Variants in SCMH1 observed in about 807,000 individuals in gnomAD.
SCMH1 encodes Scm polycomb group protein homolog 1, also known as polycomb protein SCMH1.
In SCMH1, 37 loss-of-function variants were observed where a neutral mutation model predicts 70.8. The ratio of observed to expected loss-of-function variants is 0.52; its 90% confidence interval spans 0.40 to 0.69. The LOEUF (loss-of-function observed/expected upper bound fraction) is 0.69, where lower values mean the gene tolerates loss of function less well. Among genes scored for constraint, SCMH1 ranks in the 30% least tolerant of loss-of-function variants. The probability of loss-of-function intolerance (pLI) is 0.00; values close to 1 mark genes in which losing one functional copy is unlikely to be tolerated. For synonymous variants in SCMH1, 292 were observed against 307.4 expected (o/e 0.95, Z 0.52); for missense variants, 607 against 827.3 (o/e 0.73, Z 3.27).
chr1:41,036,563 TTCTCTAGTTTTGTCCCTCC>T (rs373213854), intron 13 of SCMH1, among the ~76,000 whole-genome samples: 17 of 152,328 alleles, frequency 1.1e-4, no homozygotes, highest in African/African-American at 4.1e-4. Flanking sequence ...TTGTTTAGGT[TTCTCTAGTTTTGTCCCTCC>T]TCAAATCCAT....
chr1:41,184,673 C>T lies in SCMH1; in HGVS notation c.13+1448G>A, dbSNP rs1649702721. On this transcript the variant is annotated intron_variant, in intron 2 of 14. Coordinates refer to ENST00000337495, the Ensembl canonical transcript of SCMH1. ...CAGATGTCAGAGAGAGACTTTCTGG[C>T]AATGAGAATTGTCCTGTGGAGGATT... is the stretch of plus-strand genomic sequence containing the variant. Among the ~76,000 whole-genome samples, 4 of 152,022 alleles carry T rather than the reference C, an allele frequency of 2.6e-5. No homozygotes were observed. In the South Asian group the frequency reaches 6.2e-4, roughly 24 times the overall value.
chr1:41,198,416 T>C (rs1653540038), intron 1 of SCMH1, among the ~76,000 whole-genome samples: 1 of 152,214 alleles, frequency 6.6e-6, no homozygotes, highest in Non-Finnish European at 1.5e-5. Context: ...CCACCCTCTG[T>C]GAGGGCAGAG....
chr1:41,233,623 C>A (rs902783364), intron 1 of SCMH1, among the ~76,000 whole-genome samples: 1 of 152,088 alleles, frequency 6.6e-6, no homozygotes, highest in Non-Finnish European at 1.5e-5. Context: ...CTGAGATATC[C>A]ATATCTCTAT....
chr1:41,102,177 G>A (rs1334496714), intron 8 of SCMH1, among the ~76,000 whole-genome samples: 2 of 152,112 alleles, frequency 1.3e-5, no homozygotes, highest in Middle Eastern at 3.2e-3. Context: ...ACACGCATGT[G>A]TGTGTGTGTG....
intron 6 of SCMH1, among the ~76,000 whole-genome samples, chr1:41,138,736 A>C (rs1306881681): frequency 6.6e-6 from 1 of 152,062 alleles, no homozygotes; most frequent in Non-Finnish European, 1.5e-5. Context: ...ATCTGCCAAG[A>C]CTTGTTTAAC....
intron 1 of SCMH1, among the ~76,000 whole-genome samples, chr1:41,220,714 C>G (rs1261499695): frequency 1.3e-5 from 2 of 152,178 alleles, no homozygotes; most frequent in African/African-American, 4.8e-5. Flanking sequence ...AGCGCATAAT[C>G]TAAAGGAGTC....
At chr1:41,061,290 A>C (rs1300440073) in intron 10 of SCMH1, among the ~76,000 whole-genome samples, 1 of 152,210 alleles carries the variant, frequency 6.6e-6, no homozygotes, top group Non-Finnish European at 1.5e-5. Flanking sequence ...ATTATTTTTA[A>C]AAATTTTTAA....
chr1:41,167,498 T>C (rs1646485779), intron 2 of SCMH1, among the ~76,000 whole-genome samples: 1 of 152,208 alleles, frequency 6.6e-6, no homozygotes, highest in South Asian at 2.1e-4. Flanking sequence ...CATTAGGTCC[T>C]AGGCTTTATT....
At chr1:41,143,947 T>C (rs1220609693) in intron 5 of SCMH1, among the ~76,000 whole-genome samples, 2 of 152,228 alleles carry the variant, frequency 1.3e-5, no homozygotes, top group Admixed American at 6.5e-5. Context: ...GGTATAACCA[T>C]GCTGACGGAG....
At chr1:41,176,286 G>A (rs1647128836) in intron 2 of SCMH1, among the ~76,000 whole-genome samples, 4 of 151,732 alleles carry the variant, frequency 2.6e-5, no homozygotes, top group South Asian at 4.2e-4. Flanking sequence ...CAAGATGGCC[G>A]AATAGGAACA....
intron 8 of SCMH1, among the ~76,000 whole-genome samples, chr1:41,092,975 A>G (rs1664072754): frequency 6.6e-6 from 1 of 152,208 alleles, no homozygotes; most frequent in Admixed American, 6.5e-5. Context: ...CGATTCCTCA[A>G]GGATCTAGAA....
chr1:41,030,572 A>G (rs1486418469), intron 13 of SCMH1, among the ~76,000 whole-genome samples: 1 of 152,156 alleles, frequency 6.6e-6, no homozygotes, highest in Non-Finnish European at 1.5e-5. Flanking sequence ...CTTACCTCAA[A>G]TATTGATTCC....
At chr1:41,083,464 T>C (rs919798804) in intron 8 of SCMH1, among the ~76,000 whole-genome samples, 1 of 151,944 alleles carries the variant, frequency 6.6e-6, no homozygotes, top group Non-Finnish European at 1.5e-5. Context: ...CACTGCTCAA[T>C]GAAATAAAAG....
In SCMH1 at chr1:41,186,273, GGAAGGA is replaced by G. The variant is rs1392277930; in HGVS notation, c.-117-29_-117-24del. On this transcript the variant is annotated intron_variant, in intron 1 of 14. Transcript: ENST00000337495. ...CATCTGTAAAAAAGGTAGGTGGGGA[GGAAGGA>G]GAAGAACATTTATTACCTGTAAAGT... The G allele has an allele frequency of 6.6e-6, 4 of 608,730 alleles. No homozygotes were observed. The East Asian group carries it at 1.2e-4, about 18-fold the overall frequency. The allele number at this position is 608,730 out of a possible 1,614,324, so 37.7% of individuals were successfully genotyped here.
chr1:41,112,839 C>T (rs1335192177), intron 8 of SCMH1, among the ~76,000 whole-genome samples: 1 of 152,180 alleles, frequency 6.6e-6, no homozygotes, highest in African/African-American at 2.4e-5. Context: ...CCATGTCTAT[C>T]TTACTTCAAA....
intron 2 of SCMH1, among the ~76,000 whole-genome samples, chr1:41,162,300 G>A (rs1646100479): frequency 6.6e-6 from 1 of 152,126 alleles, no homozygotes; most frequent in Non-Finnish European, 1.5e-5. Flanking sequence ...GTGGAGTCTG[G>A]ATGCTATGAA....
At chr1:41,093,671 T>C (rs138144602) in intron 8 of SCMH1, among the ~76,000 whole-genome samples, 76 of 152,350 alleles carry the variant, frequency 5.0e-4, no homozygotes, top group African/African-American at 1.6e-3. Flanking sequence ...CATTGGTCAT[T>C]TGTAAAACAC....
At chr1:41,116,063 GT>G (rs544797525) in intron 7 of SCMH1, among the ~76,000 whole-genome samples, 92 of 152,146 alleles carry the variant, frequency 6.0e-4, no homozygotes, top group Non-Finnish European at 1.1e-3. Context: ...AATCAACTAA[GT>G]TTTCTTCTAT....
chr1:41,208,435 T>TA (rs149379351), intron 1 of SCMH1, among the ~76,000 whole-genome samples: 59,877 of 129,524 alleles, frequency 0.46, 13,248 homozygotes, highest in East Asian at 0.59. Flanking sequence ...AGAAAAAAAT[T>TA]AAAAAAAAAA....
Sources: allele counts gnomAD v4.1 joint callset (sites outside exome capture counted in the v4.1 genomes callset), GRCh38; gene constraint gnomAD v4.1.1; transcripts MANE v1.5; gene names NCBI Gene and HGNC (gene_info 2026-07-23, HGNC 2026-07-21).